ZNF362: variants seen among roughly 807,000 people sequenced by gnomAD.
ZNF362 encodes the protein rotund homolog.
ZNF362 carries 11 observed loss-of-function variants against 42.9 expected under a neutral mutation model. The observed-to-expected ratio is 0.26, with a 90% CI of 0.16 to 0.42. ZNF362 has a LOEUF of 0.42. ZNF362 is among the 20% of genes least tolerant of loss of function. The pLI is 1.00. For synonymous variants in ZNF362, 255 were observed against 257.3 expected (o/e 0.99, Z 0.09); for missense variants, 362 against 576.2 (o/e 0.63, Z 3.81).
intron 2 of ZNF362, among the ~76,000 whole-genome samples, chr1:33,271,021 C>T (rs1045969289): frequency 1.3e-5 from 2 of 152,136 alleles, no homozygotes; most frequent in African/African-American, 4.8e-5. Flanking sequence ...CTGGCCCAGG[C>T]GCAGCCCCTG....
chr1:33,276,548 G>A lies in ZNF362; in HGVS notation c.303G>A (p.Gln101=), dbSNP rs558508401. ...GGCTGCATCCACAGGCGGTGCCGCA[G>A]CCCGACGTGGCGCTGCACGCACGGC... ...VPGLHPQAVP[Q]PDVALHARPA... The change falls in exon 4 of 9, where the codon CAG becomes CAA. Residue 101 remains glutamine, a synonymous_variant. Coordinates refer to ENST00000539719, the MANE Select transcript of ZNF362 (RefSeq NM_152493.3). 3.4e-6 allele frequency: 5 copies of A among 1,483,520 alleles called. No individual in the cohort carries two copies. In the African/African-American group the frequency reaches 5.7e-5, roughly 17 times the overall value. 91.9% of individuals were successfully genotyped at this position (1,483,520 alleles called of 1,614,324 possible).
intron 8 of ZNF362, among the ~76,000 whole-genome samples, chr1:33,296,257 G>A (rs780424528): frequency 3.9e-5 from 6 of 152,148 alleles, no homozygotes; most frequent in African/African-American, 7.2e-5. Context: ...GCCTCCATCC[G>A]CTAGATGCCA....
At chr1:33,205,125 CTG>C in the ZNF362 span, among the ~76,000 whole-genome samples, 3 of 151,632 alleles carry the variant, frequency 2.0e-5, no homozygotes, top group Non-Finnish European at 4.4e-5. Flanking sequence ...AATGCAAATC[CTG>C]TGTGTTTTTG....
At chr1:33,256,683 G>A (rs1378534768) in intron 1 of ZNF362, 29 bp downstream of exon 1, 2 of 144,960 alleles carry the variant, frequency 1.4e-5, no homozygotes, top group Non-Finnish European at 3.1e-5. Context: ...CGCGCGGGGA[G>A]CGGGCCCAGC....
At chr1:33,283,232 G>C (rs1646009459) in intron 6 of ZNF362, among the ~76,000 whole-genome samples, 1 of 152,120 alleles carries the variant, frequency 6.6e-6, no homozygotes, top group Non-Finnish European at 1.5e-5. Context: ...AGCTTCCCAA[G>C]TAGCTGGGAT....
At chr1:33,195,322 A>G in the ZNF362 span, 4 of 152,236 alleles carry the variant, frequency 2.6e-5, no homozygotes, top group Non-Finnish European at 5.9e-5. Flanking sequence ...GAGGGGAAGA[A>G]TCTTCCAATC....
intron 2 of ZNF362, among the ~76,000 whole-genome samples, chr1:33,272,327 G>T (rs1345200062): frequency 6.6e-6 from 1 of 152,106 alleles, no homozygotes; most frequent in African/African-American, 2.4e-5. Context: ...GGCTCGGGGA[G>T]GGCAGAGTTC....
chr1:33,174,814 G>T, the ZNF362 span, among the ~76,000 whole-genome samples: 2 of 151,964 alleles, frequency 1.3e-5, no homozygotes, highest in Non-Finnish European at 2.9e-5. Context: ...CACAGGGCCA[G>T]GTCTTGTGTA....
the ZNF362 span, chr1:33,158,131 G>A: frequency 1.2e-6 from 1 of 802,290 alleles, no homozygotes; most frequent in Non-Finnish European, 2.1e-6. Context: ...GAACACACTA[G>A]GTGCTCAGCA....
At chr1:33,271,201 T>TCTGGCCCCAGCTG (rs1645901040) in intron 2 of ZNF362, among the ~76,000 whole-genome samples, 1 of 152,194 alleles carries the variant, frequency 6.6e-6, no homozygotes, top group Admixed American at 6.5e-5. Context: ...GCCTTTAAGG[T>TCTGGCCCCAGCTG]CTGGCCCCAG....
At chr1:33,204,975 A>G in the ZNF362 span, among the ~76,000 whole-genome samples, 2 of 152,236 alleles carry the variant, frequency 1.3e-5, no homozygotes, top group Non-Finnish European at 2.9e-5. Flanking sequence ...AGACCTATAT[A>G]TTGAACACTA....
At chr1:33,154,920 C>T in the ZNF362 span, among the ~76,000 whole-genome samples, 14 of 151,742 alleles carry the variant, frequency 9.2e-5, no homozygotes, top group African/African-American at 1.9e-4. Flanking sequence ...GGTGAAACCC[C>T]GTCTCTACTA....
the ZNF362 span, among the ~76,000 whole-genome samples, chr1:33,154,962 A>C: frequency 1.3e-5 from 2 of 148,318 alleles, no homozygotes; most frequent in African/African-American, 5.0e-5. Context: ...GCGTCTTGGC[A>C]GGTGCCTGCA....
the ZNF362 span, among the ~76,000 whole-genome samples, chr1:33,129,012 G>T: frequency 1.3e-5 from 2 of 152,136 alleles, no homozygotes; most frequent in Non-Finnish European, 2.9e-5. The surrounding 1 kb of genome is among the most constrained non-coding windows in gnomAD (Gnocchi z 4.1). Flanking sequence ...AGGTCTTGGT[G>T]AATGAGTAGG....
the ZNF362 span, among the ~76,000 whole-genome samples, chr1:33,202,329 G>A: frequency 6.6e-6 from 1 of 152,158 alleles, no homozygotes; most frequent in East Asian, 1.9e-4. Context: ...GGGCGTGGTG[G>A]CTCACGCCTG....
At chr1:33,277,124 C>T (rs574096896) in intron 4 of ZNF362, among the ~76,000 whole-genome samples, 6 of 152,200 alleles carry the variant, frequency 3.9e-5, no homozygotes, top group Admixed American at 2.6e-4. Flanking sequence ...TCCAGTCGAG[C>T]GCCTGTGTCT....
chr1:33,265,022 A>G (rs1425783349), intron 1 of ZNF362, among the ~76,000 whole-genome samples: 1 of 151,986 alleles, frequency 6.6e-6, no homozygotes, highest in Non-Finnish European at 1.5e-5. Context: ...CAGAGTGAGA[A>G]ATGCTTGTAA....
chr1:33,215,401 A>T, the ZNF362 span, among the ~76,000 whole-genome samples: 5 of 152,210 alleles, frequency 3.3e-5, no homozygotes, highest in Non-Finnish European at 5.9e-5. Flanking sequence ...GCACAAAAAT[A>T]TACTTATATA....
At chr1:33,278,163 A>G (rs1207480579) in intron 4 of ZNF362, among the ~76,000 whole-genome samples, 1 of 152,210 alleles carries the variant, frequency 6.6e-6, no homozygotes, top group East Asian at 1.9e-4. Context: ...AACTAGCAAC[A>G]AAAAAATCAT....
Sources: allele counts gnomAD v4.1 joint callset (sites outside exome capture counted in the v4.1 genomes callset), GRCh38; gene constraint gnomAD v4.1.1; non-coding constraint Gnocchi (gnomAD v3.1); transcripts MANE v1.5; gene names NCBI Gene and HGNC (gene_info 2026-07-23, HGNC 2026-07-21).